Variants in PITPNC1 observed in about 807,000 individuals in gnomAD.
The protein encoded by PITPNC1 is cytoplasmic phosphatidylinositol transfer protein 1.
PITPNC1 carries 18 observed loss-of-function variants against 44.7 expected under a neutral mutation model. The observed-to-expected ratio is 0.40, with a 90% confidence interval of 0.28 to 0.60. The LOEUF is 0.60. Among genes scored for constraint, PITPNC1 ranks in the 20% least tolerant of loss-of-function variants. The pLI, the probability that PITPNC1 is intolerant of heterozygous loss-of-function variation, is 0.39. For missense variants in PITPNC1, 290 were observed against 418.4 expected (o/e 0.69, Z 2.68); for synonymous variants, 141 against 149.6 (o/e 0.94, Z 0.42).
chr17:67,663,394 C>T (rs1158753735), intron 6 of PITPNC1, among the ~76,000 whole-genome samples: 1 of 151,894 alleles, frequency 6.6e-6, no homozygotes, highest in Non-Finnish European at 1.5e-5. Context: ...ACAGTGAAAC[C>T]CCCGTCTCTC....
At chr17:67,637,558 T>C (rs1489609230) in intron 6 of PITPNC1, among the ~76,000 whole-genome samples, 2 of 152,056 alleles carry the variant, frequency 1.3e-5, no homozygotes, top group Admixed American at 1.3e-4. Flanking sequence ...TCTTTTTCCA[T>C]TTCTCCCTGG....
intron 1 of PITPNC1, among the ~76,000 whole-genome samples, chr17:67,509,189 A>T (rs1033091360): frequency 2.7e-5 from 4 of 150,760 alleles, no homozygotes; most frequent in Non-Finnish European, 5.9e-5. Flanking sequence ...AGCCAAGATC[A>T]CGCCACTGCA....
chr17:67,629,522 C>T (rs1046484414), intron 5 of PITPNC1, among the ~76,000 whole-genome samples: 2 of 152,142 alleles, frequency 1.3e-5, no homozygotes, highest in Non-Finnish European at 2.9e-5. Context: ...CCAACCCGCC[C>T]GACATCAGCC....
intron 1 of PITPNC1, among the ~76,000 whole-genome samples, chr17:67,530,587 G>A (rs749603568): frequency 1.3e-5 from 2 of 152,174 alleles, no homozygotes; most frequent in Non-Finnish European, 2.9e-5. Context: ...TGGGTTACTA[G>A]GGGTCAGGAC....
chr17:67,385,380 C>T (rs1210684826), intron 1 of PITPNC1, among the ~76,000 whole-genome samples: 1 of 152,088 alleles, frequency 6.6e-6, no homozygotes, highest in Non-Finnish European at 1.5e-5. Flanking sequence ...TAAAATGCAC[C>T]AATCAGTGCT....
intron 8 of PITPNC1, among the ~76,000 whole-genome samples, chr17:67,688,433 A>C (rs192749240): frequency 1.3e-5 from 2 of 151,478 alleles, no homozygotes; most frequent in East Asian, 3.9e-4. Context: ...TTCTGATTGC[A>C]CTTTGGAAAT....
chr17:67,460,528 A>G (rs894801433), intron 1 of PITPNC1, among the ~76,000 whole-genome samples: 6 of 151,724 alleles, frequency 4.0e-5, no homozygotes, highest in Non-Finnish European at 7.4e-5. Flanking sequence ...GGCTCAAGCA[A>G]TTCTCCTGCC....
chr17:67,641,824 A>ATAG (rs71139166), intron 6 of PITPNC1, among the ~76,000 whole-genome samples: 2 of 149,208 alleles, frequency 1.3e-5, no homozygotes, highest in African/African-American at 4.9e-5. Flanking sequence ...AATAATAATA[A>ATAG]GCGAGTGTAC....
intron 1 of PITPNC1, among the ~76,000 whole-genome samples, chr17:67,396,232 C>T (rs1447003826): frequency 3.9e-5 from 6 of 152,112 alleles, no homozygotes; most frequent in Admixed American, 3.9e-4. Context: ...AGGAAAAACA[C>T]TTTGGAAAGG....
intron 6 of PITPNC1, among the ~76,000 whole-genome samples, chr17:67,641,728 C>T (rs111241894): frequency 2.8e-4 from 43 of 151,284 alleles, no homozygotes; most frequent in African/African-American, 8.5e-4. Flanking sequence ...GCCCAGGAGT[C>T]GGAGGCTGCT....
chr17:67,595,571 A>G lies in PITPNC1; in HGVS notation c.366+17314A>G, dbSNP rs143543702. ...AATTTCTGCCTTTTGATGCGCTGAA[A>G]TCATTGCTTCCATCTGCTCCCCTAC... On this transcript the variant is annotated intron_variant, in intron 5 of 8. Coordinates refer to ENST00000581322, the MANE Select transcript of PITPNC1 (RefSeq NM_012417.4). Among the ~76,000 whole-genome samples the G allele has an allele frequency of 1.7e-3, 262 of 152,204 alleles. 2 individuals carry two copies. Among genetic ancestry groups the G allele is most frequent in the African/African-American group, 6.1e-3 (252 of 41,534 alleles).
In PITPNC1 at chr17:67,532,425, TCA is replaced by T. The variant is rs929657764; in HGVS notation, c.49-371_49-370del. 3.8e-4 allele frequency among the ~76,000 whole-genome samples: 58 copies of T among 152,102 alleles called. 1 individual carries two copies. The highest frequency in any genetic ancestry group is 1.4e-3 in the African/African-American group (58 of 41,418). ...ATTAGGCAGAAAGCAGGGGCAGAAA[TCA>T]CACACCCTCGGCTGTCTTGGGCCAA... is the stretch of plus-strand genomic sequence containing the variant. On this transcript the variant is annotated intron_variant, in intron 1 of 8. Coordinates refer to ENST00000581322, the MANE Select transcript of PITPNC1 (RefSeq NM_012417.4).
At chr17:67,579,938 C>CA (rs35787884) in intron 5 of PITPNC1, among the ~76,000 whole-genome samples, 50,987 of 134,630 alleles carry the variant, frequency 0.38, 8,782 homozygotes, top group Admixed American at 0.43. Flanking sequence ...GACTCTGTCT[C>CA]AAAAAAAAAA....
At chr17:67,513,019 A>C (rs893894534) in intron 1 of PITPNC1, among the ~76,000 whole-genome samples, 3 of 152,118 alleles carry the variant, frequency 2.0e-5, no homozygotes, top group African/African-American at 7.2e-5. Context: ...AAATAAACAC[A>C]ACATAATGGG....
intron 1 of PITPNC1, among the ~76,000 whole-genome samples, chr17:67,523,674 A>G (rs1258328896): frequency 2.6e-5 from 4 of 151,984 alleles, no homozygotes; most frequent in Admixed American, 2.6e-4. Context: ...GCTTTCCATC[A>G]CAGCCCACTG....
intron 1 of PITPNC1, among the ~76,000 whole-genome samples, chr17:67,506,432 C>T: frequency 6.6e-6 from 1 of 152,124 alleles, no homozygotes; most frequent in East Asian, 1.9e-4. Context: ...GAATGGCCCT[C>T]ATGGGGTGGG....
intron 1 of PITPNC1, among the ~76,000 whole-genome samples, chr17:67,458,612 A>T (rs1027614738): frequency 6.6e-6 from 1 of 152,172 alleles, no homozygotes; most frequent in African/African-American, 2.4e-5. Flanking sequence ...AAGCACACTT[A>T]CATTGTACTC....
intron 1 of PITPNC1, among the ~76,000 whole-genome samples, chr17:67,413,144 TGTTTTCCA>T (rs377669444): frequency 2.0e-5 from 3 of 152,322 alleles, no homozygotes; most frequent in African/African-American, 7.2e-5. Context: ...GAGAATTCAG[TGTTTTCCA>T]GTTTTCCAAC....
intron 1 of PITPNC1, among the ~76,000 whole-genome samples, chr17:67,521,784 C>T (rs928988702): frequency 2.6e-5 from 4 of 152,052 alleles, no homozygotes; most frequent in African/African-American, 7.2e-5. Context: ...GGCAGAACTT[C>T]GGGATAAGGA....
Sources: allele counts gnomAD v4.1 joint callset (sites outside exome capture counted in the v4.1 genomes callset), GRCh38; gene constraint gnomAD v4.1.1; transcripts MANE v1.5; gene names NCBI Gene and HGNC (gene_info 2026-07-23, HGNC 2026-07-21).